The following BAZ1A variants were observed in gnomAD, a reference collection of about 807,000 sequenced individuals.
BAZ1A encodes bromodomain adjacent to zinc finger domain 1A, also known as bromodomain adjacent to zinc finger domain protein 1A.
In BAZ1A, 50 loss-of-function variants were observed where a neutral mutation model predicts 185.2. The observed-to-expected ratio is 0.27, with a 90% CI of 0.22 to 0.34. The LOEUF (loss-of-function observed/expected upper bound fraction) is 0.34, where lower values mean the gene tolerates loss of function less well. Among genes scored for constraint, BAZ1A ranks in the 10% least tolerant of loss-of-function variants. The probability of loss-of-function intolerance (pLI) is 1.00; values close to 1 mark genes in which losing one functional copy is unlikely to be tolerated. For missense variants in BAZ1A, 1,356 were observed against 1,839.9 expected (o/e 0.74, Z 4.81); for synonymous variants, 571 against 615.6 (o/e 0.93, Z 1.07).
At chr14:34,772,795 C>T (rs1175032103) in intron 20 of BAZ1A, among the ~76,000 whole-genome samples, 1 of 152,062 alleles carries the variant, frequency 6.6e-6, no homozygotes, top group African/African-American at 2.4e-5. Flanking sequence ...CTTTGGGAGG[C>T]CGAGGCAGGG....
intron 2 of BAZ1A, among the ~76,000 whole-genome samples, chr14:34,868,966 A>G (rs1311276338): frequency 1.3e-5 from 2 of 150,254 alleles, no homozygotes; most frequent in Non-Finnish European, 1.5e-5. Context: ...ATACGTATAT[A>G]TTATATATGT....
intron 2 of BAZ1A, among the ~76,000 whole-genome samples, chr14:34,872,989 CTATT>C (rs1418282399): frequency 4.2e-5 from 6 of 143,858 alleles, no homozygotes; most frequent in Non-Finnish European, 3.0e-5. Flanking sequence ...TACGAGAACT[CTATT>C]TGAGTAACAA....
chr14:34,847,140 A>G (rs2042526691), intron 3 of BAZ1A, among the ~76,000 whole-genome samples: 1 of 151,798 alleles, frequency 6.6e-6, no homozygotes, highest in South Asian at 2.1e-4. Flanking sequence ...AATCCCAGCT[A>G]TTTGGGAGGC....
chr14:34,851,154 G>A (rs764260664), intron 3 of BAZ1A, among the ~76,000 whole-genome samples: 13 of 151,662 alleles, frequency 8.6e-5, no homozygotes, highest in South Asian at 2.1e-4. Context: ...CCAACGTAGC[G>A]AAATCCCATC....
chr14:34,819,291 T>TA (rs1305767043), intron 4 of BAZ1A, among the ~76,000 whole-genome samples: 1 of 152,126 alleles, frequency 6.6e-6, no homozygotes, highest in Admixed American at 6.6e-5. Flanking sequence ...CCCCCATGGA[T>TA]ATGGGAGCAC....
intron 6 of BAZ1A, among the ~76,000 whole-genome samples, chr14:34,803,944 A>C (rs1204209653): frequency 6.6e-6 from 1 of 152,116 alleles, no homozygotes; most frequent in South Asian, 2.1e-4. Context: ...TAAATCCAAG[A>C]GTTTATCTCC....
chr14:34,848,914 C>A (rs1183347811), intron 3 of BAZ1A, among the ~76,000 whole-genome samples: 1 of 152,142 alleles, frequency 6.6e-6, no homozygotes, highest in African/African-American at 2.4e-5. Context: ...ACCAGGCTAG[C>A]AAAAGAAGCT....
intron 3 of BAZ1A, among the ~76,000 whole-genome samples, chr14:34,835,985 T>C (rs2042323461): frequency 6.6e-6 from 1 of 151,878 alleles, no homozygotes; most frequent in Non-Finnish European, 1.5e-5. Context: ...TAGCTTTTTA[T>C]GAGGATAGTC....
intron 3 of BAZ1A, among the ~76,000 whole-genome samples, chr14:34,841,366 A>AT (rs990797251): frequency 1.3e-5 from 2 of 152,096 alleles, no homozygotes; most frequent in African/African-American, 4.8e-5. Flanking sequence ...TATTAGTAAC[A>AT]TAATCACTAG....
chr14:34,788,650 C>A (rs1420311949), intron 12 of BAZ1A, among the ~76,000 whole-genome samples: 1 of 150,838 alleles, frequency 6.6e-6, no homozygotes, highest in African/African-American at 2.4e-5. Flanking sequence ...TCAAATTCTT[C>A]CAAAAAAAAA....
At position 34,874,347 on chromosome 14, in the gene BAZ1A, G is replaced by T; in HGVS notation, c.113+145C>A. On this transcript the variant is annotated intron_variant, in intron 2 of 26. Transcript: ENST00000360310. This position sits in a 1 kb window ranked among gnomAD's most constrained non-coding sequence, Gnocchi z 4.7. Reference sequence around the variant, plus strand: ...GCGTTCTCCAGGTGGAGGCCAGGAGGCAGAGAACCGCGGGCCCGGGGGCCA... The same window carrying T: ...GCGTTCTCCAGGTGGAGGCCAGGAGTCAGAGAACCGCGGGCCCGGGGGCCA... The T allele has an allele frequency of 1.3e-6, 1 of 750,382 alleles. No homozygotes were observed. 46.5% of individuals were successfully genotyped at this position (750,382 alleles called of 1,614,324 possible). A position where few individuals can be genotyped will look rare whatever the true frequency, so the allele number is the denominator to read the frequency against.
intron 14 of BAZ1A, among the ~76,000 whole-genome samples, chr14:34,785,345 T>C (rs898241050): frequency 6.6e-6 from 1 of 152,220 alleles, no homozygotes; most frequent in African/African-American, 2.4e-5. Flanking sequence ...CTCTAAAGTA[T>C]ACTAAATTAA....
chr14:34,848,596 C>CA (rs2042551972), intron 3 of BAZ1A, among the ~76,000 whole-genome samples: 1 of 151,892 alleles, frequency 6.6e-6, no homozygotes, highest in Non-Finnish European at 1.5e-5. Context: ...GACTCTGTCT[C>CA]AAAAAATAAT....
At chr14:34,785,669 C>A in intron 14 of BAZ1A, 108 bp downstream of exon 14, 3 of 835,814 alleles carry the variant, frequency 3.6e-6, no homozygotes, top group Non-Finnish European at 5.5e-6. Flanking sequence ...TTCTCTTTTT[C>A]TCTTTTAATA....
intron 15 of BAZ1A, among the ~76,000 whole-genome samples, chr14:34,783,455 C>CCTCCTGAG (rs201399210): frequency 0.011 from 1,652 of 148,098 alleles, 35 homozygotes; most frequent in African/African-American, 0.036. Flanking sequence ...CGTGCCTCAA[C>CCTCCTGAG]CTCCTGAGTA....
At chr14:34,797,281 C>T (rs1881247177) in intron 9 of BAZ1A, among the ~76,000 whole-genome samples, 1 of 152,036 alleles carries the variant, frequency 6.6e-6, no homozygotes, top group Admixed American at 6.6e-5. Flanking sequence ...TCTCTCTGGC[C>T]AGGTGCGGTG....
rs564980655 is a variant in BAZ1A at position 34,800,429 on chromosome 14, CA to C, written c.962-40del. 18 of 1,423,242 alleles carry C rather than the reference CA, an allele frequency of 1.3e-5. No individual in the cohort carries two copies. The South Asian group carries it at 2.6e-4, about 21-fold the overall frequency. 88.2% of individuals were successfully genotyped at this position (1,423,242 alleles called of 1,614,324 possible). ...TCAAACTTAGAACTATATATATAGA[CA>C]AAATAACACTTGGCAATTTTTTTGA... On this transcript the variant is annotated intron_variant, in intron 8 of 26. Transcript: ENST00000360310.
At chr14:34,800,131 T>C in intron 9 of BAZ1A, 93 bp downstream of exon 9, 1 of 1,163,626 alleles carries the variant, frequency 8.6e-7, no homozygotes, top group Non-Finnish European at 1.1e-6. Flanking sequence ...TGAATGAAAG[T>C]AGTAAAAGCA....
intron 17 of BAZ1A, among the ~76,000 whole-genome samples, chr14:34,778,534 G>A (rs1879816442): frequency 6.6e-6 from 1 of 152,198 alleles, no homozygotes; most frequent in African/African-American, 2.4e-5. Context: ...TAGGACTGAT[G>A]TTTTCTCTGC....
Sources: allele counts gnomAD v4.1 joint callset (sites outside exome capture counted in the v4.1 genomes callset), GRCh38; gene constraint gnomAD v4.1.1; non-coding constraint Gnocchi (gnomAD v3.1); transcripts MANE v1.5; gene names NCBI Gene and HGNC (gene_info 2026-07-23, HGNC 2026-07-21).